STK38L: variants seen among roughly 807,000 people sequenced by gnomAD.
STK38L encodes serine/threonine-protein kinase 38-like.
Under a neutral mutation model 59.7 loss-of-function variants are expected in STK38L, and 28 were observed. That is an observed-to-expected ratio of 0.47 (90% CI 0.35 to 0.64). The LOEUF is 0.64. Among genes scored for constraint, STK38L ranks in the 30% least tolerant of loss-of-function variants. STK38L has a pLI of 0.01. For synonymous variants in STK38L, 162 were observed against 176.8 expected (o/e 0.92, Z 0.66); for missense variants, 314 against 555.8 (o/e 0.56, Z 4.37).
intron 1 of STK38L, 35 bp from the exon 2 acceptor site, chr12:27,297,675 C>T: frequency 1.9e-6 from 3 of 1,556,372 alleles, no homozygotes; most frequent in East Asian, 2.3e-5. Flanking sequence ...GGTTTTTTTT[C>T]CCACTGAATA....
chr12:27,302,236 T>C, intron 3 of STK38L, 48 bp downstream of exon 3: 1 of 1,375,156 alleles, frequency 7.3e-7, no homozygotes, highest in South Asian at 1.5e-5. Flanking sequence ...CCCAGTGACT[T>C]TTCATTCATT....
chr12:27,304,497 T>C (rs1488493751), intron 3 of STK38L, among the ~76,000 whole-genome samples: 2 of 152,122 alleles, frequency 1.3e-5, no homozygotes, highest in African/African-American at 4.8e-5. Flanking sequence ...TTTAAAATTA[T>C]CTATCATTAT....
chr12:27,304,966 C>A (rs1386924671), intron 3 of STK38L, among the ~76,000 whole-genome samples: 1 of 152,002 alleles, frequency 6.6e-6, no homozygotes. Context: ...AAATATTGAT[C>A]CTTACAGTTT....
At chr12:27,293,804 T>C (rs1299283908) in intron 1 of STK38L, 1 of 152,238 alleles carries the variant, frequency 6.6e-6, no homozygotes, top group East Asian at 1.9e-4. Flanking sequence ...TAAAAGGTTT[T>C]TTATGTTTTT....
chr12:27,315,737 A>G (rs1944570240), intron 9 of STK38L, among the ~76,000 whole-genome samples: 1 of 152,334 alleles, frequency 6.6e-6, no homozygotes, highest in South Asian at 2.1e-4. Flanking sequence ...GGTGGTTGTG[A>G]GTTTCTAAAA....
chr12:27,267,867 T>G (rs1943331906), intron 1 of STK38L, among the ~76,000 whole-genome samples: 1 of 152,204 alleles, frequency 6.6e-6, no homozygotes, highest in African/African-American at 2.4e-5. Context: ...ATGGGCCATT[T>G]ATGTTTTCTC....
chr12:27,319,372 A>G lies in STK38L; in HGVS notation c.1124A>G (p.Glu375Gly), dbSNP rs1482145772. 1 of 1,613,478 alleles carries G rather than the reference A, an allele frequency of 6.2e-7. No individual in the cohort carries two copies. Among genetic ancestry groups the G allele is most frequent in the Admixed American group, 1.7e-5 (1 of 60,006 alleles). Reference protein sequence around the residue: ...SENRIGNSGVEEIKGHPFFEG... With the variant: ...SENRIGNSGVGEIKGHPFFEG... ...AACAGAATTGGAAATAGTGGAGTAG[A>G]AGAAATAAAAGGTCATCCCTTTTTT... Residue 375 changes from glutamate (E) to glycine (G), a missense_variant, in exon 12 of 14, where the codon GAA becomes GGA. By Grantham distance (98) the Glu-to-Gly change is moderately conservative. This residue lies in a region of STK38L where 94 missense variants were observed against 142.2 expected (regional missense o/e 0.66). Transcript: ENST00000389032.
At chr12:27,305,070 G>A (rs1219130962) in intron 3 of STK38L, among the ~76,000 whole-genome samples, 1 of 152,170 alleles carries the variant, frequency 6.6e-6, no homozygotes, top group African/African-American at 2.4e-5. Flanking sequence ...TCAGTGGTGG[G>A]GACTGACAAA....
At position 27,272,817 on chromosome 12, in the gene STK38L, A is replaced by T. The variant is rs2136619233; in HGVS notation, c.-11-24893A>T. On this transcript the variant is annotated intron_variant, in intron 1 of 13. Transcript: ENST00000389032. ...CTGCTACTTGACAGTAGATTCTGTG[A>T]TGATTGATTGTAGGCATTGTTTTCT... Among the ~76,000 whole-genome samples, 2 of 152,164 alleles carry T rather than the reference A, an allele frequency of 1.3e-5. 1 individual carries two copies. Among genetic ancestry groups the T allele is most frequent in the South Asian group, 4.2e-4 (2 of 4,812 alleles).
At chr12:27,313,227 G>A (rs1265337445) in intron 6 of STK38L, among the ~76,000 whole-genome samples, 5 of 132,096 alleles carry the variant, frequency 3.8e-5, no homozygotes, top group Admixed American at 1.6e-4. Context: ...CGGCCTGGGC[G>A]AAAACAGCGA....
chr12:27,288,331 T>TA (rs1231054016), intron 1 of STK38L, among the ~76,000 whole-genome samples: 1 of 152,164 alleles, frequency 6.6e-6, no homozygotes, highest in Non-Finnish European at 1.5e-5. Flanking sequence ...TTTCCCTATT[T>TA]AAAAAATCTT....
At chr12:27,274,145 C>T (rs557996607) in intron 1 of STK38L, among the ~76,000 whole-genome samples, 1 of 150,790 alleles carries the variant, frequency 6.6e-6, no homozygotes, top group Non-Finnish European at 1.5e-5. Context: ...CCCAGTTACT[C>T]GGGAAGCTGA....
intron 1 of STK38L, among the ~76,000 whole-genome samples, chr12:27,283,891 C>T (rs977911068): frequency 6.6e-6 from 1 of 152,144 alleles, no homozygotes; most frequent in African/African-American, 2.4e-5. Context: ...TTTTGAGACC[C>T]TAACTTTGGG....
chr12:27,304,729 A>T (rs1944266239), intron 3 of STK38L, among the ~76,000 whole-genome samples: 1 of 152,088 alleles, frequency 6.6e-6, no homozygotes, highest in Non-Finnish European at 1.5e-5. Flanking sequence ...TAAACATAAG[A>T]TCTTAATTTG....
At chr12:27,277,266 G>A (rs1943556657) in intron 1 of STK38L, among the ~76,000 whole-genome samples, 2 of 151,936 alleles carry the variant, frequency 1.3e-5, no homozygotes, top group African/African-American at 4.8e-5. Context: ...AAAGTATAAA[G>A]CACTTTGGGA....
At position 27,266,971 on chromosome 12, in the gene STK38L, G is replaced by A. The variant is rs530614249; in HGVS notation, c.-12+22639G>A. ...GACATATTTAAGAAAAAAGCGTTTT[G>A]TAGAACACATTGGACAAATGATACT... On this transcript the variant is annotated intron_variant, in intron 1 of 13. Coordinates refer to ENST00000389032, the MANE Select transcript of STK38L (RefSeq NM_015000.4). Among the ~76,000 whole-genome samples the A allele has an allele frequency of 1.2e-4, 19 of 152,276 alleles. No individual in the cohort carries two copies. In the East Asian group the frequency reaches 2.3e-3, roughly 19 times the overall value.
intron 7 of STK38L, 82 bp downstream of exon 7, chr12:27,314,740 A>G (rs557654063): frequency 6.3e-6 from 9 of 1,430,324 alleles, no homozygotes; most frequent in Admixed American, 2.4e-5. Context: ...GGAAATCAGC[A>G]ACTGCAATTT....
chr12:27,309,900 C>T (rs1944415883), intron 5 of STK38L, among the ~76,000 whole-genome samples: 2 of 152,150 alleles, frequency 1.3e-5, no homozygotes, highest in African/African-American at 4.8e-5. Flanking sequence ...AAATCTGTAA[C>T]CTTGTAAATA....
At chr12:27,306,197 C>G (rs1278841378) in intron 3 of STK38L, among the ~76,000 whole-genome samples, 1 of 152,124 alleles carries the variant, frequency 6.6e-6, no homozygotes, top group Non-Finnish European at 1.5e-5. Flanking sequence ...CTGCATTATA[C>G]AAACTACTAG....
Sources: gnomAD v4.1 joint callset for allele counts (sites outside exome capture counted in the v4.1 genomes callset) on GRCh38, gnomAD v4.1.1 for gene constraint, gnomAD v4.1.1 regional missense constraint, MANE v1.5 for transcripts, NCBI Gene and HGNC (gene_info 2026-07-23, HGNC 2026-07-21) for gene names.